Variants in ADCY5 observed in about 807,000 individuals in gnomAD.
ADCY5 encodes the protein adenylate cyclase 5, also known as adenylate cyclase type 5.
Under a neutral mutation model 119.7 loss-of-function variants are expected in ADCY5, and 30 were observed. That is an observed-to-expected ratio of 0.25 (90% CI 0.19 to 0.34). ADCY5 has a LOEUF of 0.34. Among genes scored for constraint, ADCY5 ranks in the 10% least tolerant of loss-of-function variants. ADCY5 has a pLI of 1.00. For missense variants in ADCY5, 1,324 were observed against 1,775.2 expected, an observed-to-expected ratio of 0.75 and a Z score of 4.57; for synonymous variants, 753 against 762.2, an observed-to-expected ratio of 0.99 and a Z score of 0.20.
chr3:123,409,935 A>G (rs140209336), intron 1 of ADCY5, among the ~76,000 whole-genome samples: 3 of 152,304 alleles, frequency 2.0e-5, no homozygotes, highest in Admixed American at 6.5e-5. Context: ...TCACCAGCCC[A>G]CTGACCTGGG....
chr3:123,401,906 C>A (rs979135404), intron 1 of ADCY5, among the ~76,000 whole-genome samples: 6 of 152,166 alleles, frequency 3.9e-5, no homozygotes, highest in Admixed American at 3.9e-4. Context: ...CCTGTCCCTG[C>A]AGAATCCACA....
intron 1 of ADCY5, among the ~76,000 whole-genome samples, chr3:123,423,352 G>C (rs540467048): frequency 6.6e-6 from 1 of 152,318 alleles, no homozygotes; most frequent in East Asian, 1.9e-4. Context: ...GCCACTAAGG[G>C]GATGTGATTC....
intron 1 of ADCY5, among the ~76,000 whole-genome samples, chr3:123,364,055 T>C (rs1943348005): frequency 6.6e-6 from 1 of 152,216 alleles, no homozygotes; most frequent in Admixed American, 6.5e-5. Flanking sequence ...TGAAATTGCA[T>C]ATAACTCATG....
intron 1 of ADCY5, among the ~76,000 whole-genome samples, chr3:123,363,398 G>A (rs951970249): frequency 2.0e-5 from 3 of 152,152 alleles, no homozygotes; most frequent in Admixed American, 6.5e-5. Flanking sequence ...CAGTGGGAAT[G>A]CAAATCGGCA....
At chr3:123,442,615 T>C (rs2107654532) in intron 1 of ADCY5, among the ~76,000 whole-genome samples, 1 of 152,338 alleles carries the variant, frequency 6.6e-6, no homozygotes, top group East Asian at 1.9e-4. Flanking sequence ...ACAGAACTCA[T>C]GCTCCTGTTG....
Position 123,383,801 on chromosome 3 carries a change from G to A in ADCY5, c.1135-31220C>T, listed in dbSNP as rs1319021657. 4.7e-5 allele frequency among the ~76,000 whole-genome samples: 7 copies of A among 148,996 alleles called. 1 individual carries two copies. The highest frequency in any genetic ancestry group is 9.9e-5 in the African/African-American group (4 of 40,426). On this transcript the variant is annotated intron_variant, in intron 1 of 20. Transcript: ENST00000462833. ...GGCAGGCACACACACACACATACAC[G>A]CACACACACCCTTCCTCAAGGTGCA...
chr3:123,428,273 A>C (rs1224220263), intron 1 of ADCY5, among the ~76,000 whole-genome samples: 1 of 152,182 alleles, frequency 6.6e-6, no homozygotes, highest in African/African-American at 2.4e-5. Context: ...ACAGACAAGG[A>C]AACTGAGGCA....
chr3:123,415,197 G>A (rs1475200696), intron 1 of ADCY5, among the ~76,000 whole-genome samples: 1 of 152,194 alleles, frequency 6.6e-6, no homozygotes, highest in African/African-American at 2.4e-5. Flanking sequence ...CCAAGGGAGG[G>A]AGAGAAATGC....
chr3:123,303,923 C>T lies in ADCY5; in HGVS notation c.2559+144G>A, dbSNP rs56140660. 4,726 of 602,864 alleles carry T rather than the reference C, an allele frequency of 7.8e-3. 185 individuals carry two copies. The African/African-American group carries it at 0.08, about 10-fold the overall frequency. 37.3% of individuals were successfully genotyped at this position (602,864 alleles called of 1,614,324 possible). A position where few individuals can be genotyped will look rare whatever the true frequency, so the allele number is the denominator to read the frequency against. ...AAGAACTTGTGTGAGGCACATTGAGCCAAAGCTGATCCCAGACCCAGGTGC... is the reference window on the plus strand; with the variant it reads ...AAGAACTTGTGTGAGGCACATTGAGTCAAAGCTGATCCCAGACCCAGGTGC... On this transcript the variant is annotated intron_variant, in intron 13 of 20. Coordinates refer to ENST00000462833, the MANE Select transcript of ADCY5 (RefSeq NM_183357.3).
At chr3:123,358,857 C>T (rs961695407) in intron 1 of ADCY5, among the ~76,000 whole-genome samples, 5 of 152,206 alleles carry the variant, frequency 3.3e-5, no homozygotes, top group Non-Finnish European at 5.9e-5. Context: ...TGGGAAGTTA[C>T]AGTGCTCGGT....
At chr3:123,296,296 C>A (rs2108226580) in intron 16 of ADCY5, 80 bp from the exon 17 acceptor site, 1 of 1,487,268 alleles carries the variant, frequency 6.7e-7, no homozygotes, top group East Asian at 2.3e-5. Flanking sequence ...CCACCCACTG[C>A]TGGCCCTGTT....
At chr3:123,303,832 GAAAGAAAAGAGAAGAGAAGA>G (rs1334942803) in intron 13 of ADCY5, among the ~76,000 whole-genome samples, 7 of 106,992 alleles carry the variant, frequency 6.5e-5, no homozygotes, top group African/African-American at 2.4e-4. Context: ...CTCAAAACTG[GAAAGAAAAGAGAAGAGAAGA>G]GAAGAGAAGA....
chr3:123,346,384 G>C (rs1025092249), intron 3 of ADCY5, among the ~76,000 whole-genome samples: 11 of 152,222 alleles, frequency 7.2e-5, no homozygotes, highest in African/African-American at 2.4e-4. Flanking sequence ...CTACCTGACA[G>C]AGAAGCATGG....
intron 11 of ADCY5, among the ~76,000 whole-genome samples, chr3:123,315,849 C>T (rs867775692): frequency 2.0e-5 from 3 of 152,138 alleles, no homozygotes; most frequent in Non-Finnish European, 4.4e-5. Context: ...CCTCCCAAAG[C>T]GCTGGGATTA....
At chr3:123,299,976 C>T (rs1305310842) in intron 15 of ADCY5, 144 bp downstream of exon 15, 5 of 885,486 alleles carry the variant, frequency 5.6e-6, no homozygotes, top group South Asian at 1.7e-5. Flanking sequence ...GAAACAAGGC[C>T]GTTTTCCAGA....
chr3:123,325,374 G>C lies in ADCY5; in HGVS notation c.2036C>G (p.Pro679Arg), dbSNP rs1455732926. The C allele has an allele frequency of 6.2e-7, 1 of 1,614,118 alleles. No homozygotes were observed. Among genetic ancestry groups the C allele is most frequent in the Non-Finnish European group, 8.5e-7 (1 of 1,180,010 alleles). The change falls in exon 8 of 21, where the codon CCC becomes CGC. Residue 679 changes from proline to arginine, a missense_variant. Around this residue, in one of 6 missense-constraint regions of ADCY5, gnomAD observed 424 missense variants for 546.8 expected, o/e 0.78. Transcript: ENST00000462833. ...HNPPHWGAERPFYNHLGGNQV... is the reference protein window; with the variant it reads ...HNPPHWGAERRFYNHLGGNQV... ...GTTGCCACCCAGGTGGTTGTAGAAG[G>C]GGCGCTCAGCCCCCCAGTGTGGTGG... is the stretch of plus-strand genomic sequence containing the variant.
chr3:123,416,247 G>C, intron 1 of ADCY5: 2 of 1,536,142 alleles, frequency 1.3e-6, no homozygotes, highest in Non-Finnish European at 1.7e-6. Flanking sequence ...TGCTGCAACA[G>C]CCCTCTTTCT....
chr3:123,416,456 G>A (rs1945187962), intron 1 of ADCY5: 4 of 950,262 alleles, frequency 4.2e-6, no homozygotes, highest in Non-Finnish European at 6.1e-6. Flanking sequence ...AGAAAGGAGG[G>A]AGGAGGCTCT....
chr3:123,294,590 C>T (rs921027608), intron 17 of ADCY5, among the ~76,000 whole-genome samples: 2 of 152,106 alleles, frequency 1.3e-5, no homozygotes, highest in African/African-American at 4.8e-5. Flanking sequence ...GTCTGAAGGT[C>T]CCAGAGTAAC....
Sources: allele counts gnomAD v4.1 joint callset (sites outside exome capture counted in the v4.1 genomes callset), GRCh38; gene constraint gnomAD v4.1.1; regional missense constraint gnomAD v4.1.1; transcripts MANE v1.5; gene names NCBI Gene and HGNC (gene_info 2026-07-23, HGNC 2026-07-21).